Variants in PDGFD observed in about 807,000 individuals in gnomAD.
PDGFD encodes platelet-derived growth factor D.
In PDGFD, 30 loss-of-function variants were observed where a neutral mutation model predicts 44.7. The ratio of observed to expected loss-of-function variants is 0.67; its 90% CI spans 0.50 to 0.91. The LOEUF (loss-of-function observed/expected upper bound fraction) is 0.91. Ranked by LOEUF, PDGFD falls within the 40% of genes least tolerant of loss-of-function variation. PDGFD has a pLI of 0.00. For missense variants in PDGFD, 445 were observed against 457.8 expected, an observed-to-expected ratio of 0.97 and a Z score of 0.25; for synonymous variants, 173 against 168.4, an observed-to-expected ratio of 1.03 and a Z score of -0.21.
At chr11:104,133,444 A>C (rs1861953913) in intron 1 of PDGFD, among the ~76,000 whole-genome samples, 1 of 152,164 alleles carries the variant, frequency 6.6e-6, no homozygotes, top group Non-Finnish European at 1.5e-5. Context: ...AGCTCTCATT[A>C]TATTTCCAGC....
chr11:104,130,895 AAG>A (rs1299954691), intron 1 of PDGFD, among the ~76,000 whole-genome samples: 1 of 152,178 alleles, frequency 6.6e-6, no homozygotes, highest in Non-Finnish European at 1.5e-5. Flanking sequence ...CATCAATTAT[AAG>A]ATGCACATTA....
chr11:104,125,541 G>T (rs1480474306), intron 1 of PDGFD, among the ~76,000 whole-genome samples: 4 of 151,920 alleles, frequency 2.6e-5, no homozygotes, highest in Non-Finnish European at 5.9e-5. Flanking sequence ...AATTGTCAGG[G>T]ACATATTTAC....
intron 1 of PDGFD, among the ~76,000 whole-genome samples, chr11:104,005,653 A>G (rs547794378): frequency 3.8e-4 from 58 of 152,340 alleles, no homozygotes; most frequent in Admixed American, 1.9e-3. Context: ...CCATTACTTC[A>G]TTTAATCCTC....
chr11:104,127,873 T>C (rs1418271008), intron 1 of PDGFD, among the ~76,000 whole-genome samples: 2 of 152,132 alleles, frequency 1.3e-5, no homozygotes, highest in Non-Finnish European at 2.9e-5. Flanking sequence ...GCACTGCCAT[T>C]TAGTTATTTA....
At chr11:104,012,375 G>A (rs2134375632) in intron 1 of PDGFD, among the ~76,000 whole-genome samples, 1 of 152,264 alleles carries the variant, frequency 6.6e-6, no homozygotes, top group Middle Eastern at 3.4e-3. Flanking sequence ...CTTGGATTTG[G>A]ACTTTGAGAT....
chr11:103,950,575 T>A (rs566024526), intron 3 of PDGFD, among the ~76,000 whole-genome samples: 3 of 150,544 alleles, frequency 2.0e-5, no homozygotes, highest in South Asian at 2.1e-4. Flanking sequence ...AAAGAAAAAA[T>A]AAATAAATAA....
intron 1 of PDGFD, among the ~76,000 whole-genome samples, chr11:104,146,294 A>G (rs1862161646): frequency 6.6e-6 from 1 of 152,194 alleles, no homozygotes; most frequent in Non-Finnish European, 1.5e-5. Context: ...CCTTTGGAAT[A>G]TATATATCTC....
At chr11:103,969,448 T>C (rs1428314330) in intron 3 of PDGFD, among the ~76,000 whole-genome samples, 1 of 150,796 alleles carries the variant, frequency 6.6e-6, no homozygotes, top group Non-Finnish European at 1.5e-5. Context: ...AGAGAGAAGT[T>C]ACTATTTAGT....
intron 1 of PDGFD, among the ~76,000 whole-genome samples, chr11:104,044,091 A>G (rs958127020): frequency 4.6e-5 from 7 of 152,240 alleles, no homozygotes; most frequent in African/African-American, 1.7e-4. Flanking sequence ...CATTTGTCAC[A>G]TACTTTAATT....
In PDGFD at chr11:104,051,957, T is replaced by C. The variant is rs1323843470; in HGVS notation, c.125-51702A>G. Reference sequence around the variant, plus strand: ...TTTTGCAACCACTATTTCCATCTAGTTCCAAAACATTTTCATCACTCCAAA... The same window carrying C: ...TTTTGCAACCACTATTTCCATCTAGCTCCAAAACATTTTCATCACTCCAAA... On this transcript the variant is annotated intron_variant, in intron 1 of 6. Transcript: ENST00000393158. Among the ~76,000 whole-genome samples the C allele has an allele frequency of 2.6e-5, 4 of 152,120 alleles. No individual in the cohort carries two copies. In the East Asian group the frequency reaches 7.7e-4, roughly 29 times the overall value.
intron 1 of PDGFD, among the ~76,000 whole-genome samples, chr11:104,079,730 T>G (rs1861016739): frequency 6.6e-6 from 1 of 152,198 alleles, no homozygotes. Context: ...TTACAAATGT[T>G]CTGTCTAGTT....
intron 1 of PDGFD, among the ~76,000 whole-genome samples, chr11:104,066,001 A>G (rs1331805745): frequency 6.6e-6 from 1 of 152,218 alleles, no homozygotes; most frequent in Non-Finnish European, 1.5e-5. Flanking sequence ...ATTAACTAAA[A>G]TATTTTAATT....
intron 3 of PDGFD, among the ~76,000 whole-genome samples, chr11:103,952,622 T>C (rs1254199546): frequency 6.6e-6 from 1 of 152,144 alleles, no homozygotes; most frequent in African/African-American, 2.4e-5. Flanking sequence ...CCCAACTAAT[T>C]ATGACTACAG....
At chr11:104,147,870 A>T (rs1457536404) in intron 1 of PDGFD, among the ~76,000 whole-genome samples, 1 of 152,202 alleles carries the variant, frequency 6.6e-6, no homozygotes, top group Non-Finnish European at 1.5e-5. Context: ...TTATTCACAA[A>T]TCTTTTAAAA....
intron 3 of PDGFD, among the ~76,000 whole-genome samples, chr11:103,976,383 C>A (rs1472081423): frequency 1.3e-5 from 2 of 152,016 alleles, no homozygotes; most frequent in African/African-American, 2.4e-5. Context: ...GATTTTGTAT[C>A]CTGAGACTTT....
At chr11:104,100,884 T>A (rs902458551) in intron 1 of PDGFD, among the ~76,000 whole-genome samples, 1 of 152,110 alleles carries the variant, frequency 6.6e-6, no homozygotes, top group Non-Finnish European at 1.5e-5. Context: ...AGAAAAGGCC[T>A]TTGACAAAAT....
At chr11:103,976,094 C>A (rs1011426308) in intron 3 of PDGFD, among the ~76,000 whole-genome samples, 3 of 152,028 alleles carry the variant, frequency 2.0e-5, no homozygotes, top group Non-Finnish European at 4.4e-5. Flanking sequence ...GGCATTATGG[C>A]CATTTTCATG....
chr11:104,037,260 C>T (rs1351313875), intron 1 of PDGFD: 101 of 1,613,594 alleles, frequency 6.3e-5, no homozygotes, highest in Non-Finnish European at 8.5e-5. Context: ...CCGCCCTGAT[C>T]CGCAGCATGC....
chr11:104,086,434 C>G (rs571862888), intron 1 of PDGFD, among the ~76,000 whole-genome samples: 1 of 152,268 alleles, frequency 6.6e-6, no homozygotes, highest in South Asian at 2.1e-4. Context: ...ATTGATGGTA[C>G]ATCTTATAAT....
Sources: allele counts gnomAD v4.1 joint callset (sites outside exome capture counted in the v4.1 genomes callset), GRCh38; gene constraint gnomAD v4.1.1; transcripts MANE v1.5; gene names NCBI Gene and HGNC (gene_info 2026-07-23, HGNC 2026-07-21).